Variants in BLVRA observed in about 807,000 individuals in gnomAD.
BLVRA encodes biliverdin reductase A.
Under a neutral mutation model 32.8 loss-of-function variants are expected in BLVRA, and 22 were observed. The ratio of observed to expected loss-of-function variants is 0.67; its 90% CI spans 0.48 to 0.96. The LOEUF (loss-of-function observed/expected upper bound fraction) is 0.96. BLVRA is among the 40% of genes least tolerant of loss of function. The pLI is 0.00. For missense variants in BLVRA, 323 were observed against 358.1 expected, an observed-to-expected ratio of 0.90 and a Z score of 0.79; for synonymous variants, 119 against 141.3, an observed-to-expected ratio of 0.84 and a Z score of 1.12.
chr7:43,787,469 G>A lies in BLVRA; in HGVS notation c.13-435G>A, dbSNP rs550800556. 4.6e-5 allele frequency among the ~76,000 whole-genome samples: 7 copies of A among 152,176 alleles called. No homozygotes were observed. The South Asian group carries it at 1.0e-3, about 22-fold the overall frequency. Reference sequence around the variant, plus strand: ...CCATTTGCCTCCTCTGCCAGCATCTGATGAAGAAGCTGTGCCCTCTGAATG... The same window carrying A: ...CCATTTGCCTCCTCTGCCAGCATCTAATGAAGAAGCTGTGCCCTCTGAATG... On this transcript the variant is annotated intron_variant, in intron 2 of 7. Coordinates refer to ENST00000265523, the MANE Select transcript of BLVRA (RefSeq NM_000712.4). This position sits in a 1 kb window ranked among gnomAD's most constrained non-coding sequence, Gnocchi z 4.5.
At chr7:43,790,101 C>T (rs2095783665) in intron 3 of BLVRA, among the ~76,000 whole-genome samples, 1 of 152,156 alleles carries the variant, frequency 6.6e-6, no homozygotes, top group Non-Finnish European at 1.5e-5. Flanking sequence ...TTTCTGCCTG[C>T]TGCAGCTCAG....
chr7:43,776,686 C>T (rs1307329175), intron 2 of BLVRA, among the ~76,000 whole-genome samples: 2 of 152,102 alleles, frequency 1.3e-5, no homozygotes, highest in African/African-American at 2.4e-5. Flanking sequence ...AGTTCAATTC[C>T]TGGGTATCCT....
intron 1 of BLVRA, among the ~76,000 whole-genome samples, chr7:43,770,641 C>T (rs920123872): frequency 6.6e-6 from 1 of 152,130 alleles, no homozygotes; most frequent in African/African-American, 2.4e-5. Flanking sequence ...TGTTTGCCCC[C>T]TCCTTCGTCT....
Position 43,787,973 on chromosome 7 carries a change from C to A in BLVRA, c.82C>A (p.Arg28=). Residue 28 remains arginine, a synonymous_variant, in exon 3 of 8, where the codon CGG becomes AGG. Transcript: ENST00000265523. The surrounding 1 kb of genome is among the most constrained non-coding windows in gnomAD (Gnocchi z 4.5). ...CGGCTCCGTGCGGATGAGGGACTTG[C>A]GGAATCCACACCCTTCCTCAGCGTT... ...RAGSVRMRDL[R]NPHPSSAFLN... 1.2e-6 allele frequency: 2 copies of A among 1,614,158 alleles called. No individual in the cohort carries two copies. Among genetic ancestry groups the A allele is most frequent in the Non-Finnish European group, 1.7e-6 (2 of 1,180,028 alleles).
intron 2 of BLVRA, among the ~76,000 whole-genome samples, chr7:43,775,837 A>G (rs1411765649): frequency 6.6e-6 from 1 of 152,204 alleles, no homozygotes; most frequent in African/African-American, 2.4e-5. Context: ...TGGTCTATTC[A>G]GAGATTCAAC....
At chr7:43,774,470 A>G (rs2095758330) in intron 2 of BLVRA, among the ~76,000 whole-genome samples, 1 of 152,114 alleles carries the variant, frequency 6.6e-6, no homozygotes, top group Admixed American at 6.6e-5. Context: ...ATTATTTCTG[A>G]GGGCTCTGTT....
At chr7:43,803,957 G>A (rs1162382703) in intron 7 of BLVRA, 110 bp downstream of exon 7, 2 of 1,292,838 alleles carry the variant, frequency 1.5e-6, no homozygotes, top group Non-Finnish European at 2.2e-6. Context: ...CCCAGCTCCA[G>A]AAGGGCTGTC....
intron 1 of BLVRA, among the ~76,000 whole-genome samples, chr7:43,760,450 C>T (rs1318230843): frequency 2.6e-5 from 4 of 152,128 alleles, no homozygotes; most frequent in Non-Finnish European, 4.4e-5. Flanking sequence ...GCAGGAGCTG[C>T]GCGCATTTTC....
rs1436837731 is a variant in BLVRA at position 43,793,257 on chromosome 7, ACT to A, written c.352+448_352+449del. ...TTTAGTATATGCTAGGAACTTGGAA[ACT>A]CTGCTAAGCACTTCATATGTTATTT... On this transcript the variant is annotated intron_variant, in intron 5 of 7. Transcript: ENST00000265523. Among the ~76,000 whole-genome samples the A allele has an allele frequency of 3.3e-5, 5 of 151,560 alleles. No homozygotes were observed. The East Asian group carries it at 9.7e-4, about 29-fold the overall frequency.
intron 2 of BLVRA, among the ~76,000 whole-genome samples, chr7:43,778,048 T>A (rs1198636249): frequency 1.3e-5 from 2 of 152,082 alleles, no homozygotes; most frequent in South Asian, 4.1e-4. Flanking sequence ...ATTCATCTAA[T>A]TTTTTTTCAA....
intron 2 of BLVRA, among the ~76,000 whole-genome samples, chr7:43,774,854 C>T (rs888151665): frequency 2.6e-5 from 4 of 152,186 alleles, no homozygotes; most frequent in East Asian, 1.9e-4. Flanking sequence ...AGGTCCTTCA[C>T]GTCCCTTGTA....
chr7:43,803,930 G>A (rs2095801512), intron 7 of BLVRA, 83 bp downstream of exon 7: 1 of 1,534,968 alleles, frequency 6.5e-7, no homozygotes, highest in Non-Finnish European at 8.9e-7. Context: ...GGAGCCCCGA[G>A]GGGCTAGACC....
intron 2 of BLVRA, among the ~76,000 whole-genome samples, chr7:43,782,142 A>G (rs2095770564): frequency 6.6e-6 from 1 of 152,228 alleles, no homozygotes; most frequent in South Asian, 2.1e-4. Flanking sequence ...TGCCTCATGC[A>G]TAGCTTATCT....
intron 3 of BLVRA, among the ~76,000 whole-genome samples, chr7:43,790,663 G>T (rs578111428): frequency 6.6e-6 from 1 of 152,170 alleles, no homozygotes; most frequent in South Asian, 2.1e-4. Flanking sequence ...AAAGTAGATT[G>T]TTCCTTTTAT....
chr7:43,806,749 GA>G (rs375737231), intron 7 of BLVRA, among the ~76,000 whole-genome samples: 2 of 147,834 alleles, frequency 1.4e-5, no homozygotes. Context: ...CTCCATCCCA[GA>G]AAAAAAAAAG....
chr7:43,780,009 G>A (rs2095766954), intron 2 of BLVRA, among the ~76,000 whole-genome samples: 2 of 151,998 alleles, frequency 1.3e-5, no homozygotes, highest in Non-Finnish European at 2.9e-5. Context: ...AAGTAGCTGG[G>A]ATTACAGGAG....
At chr7:43,790,871 C>A (rs1469279366) in intron 3 of BLVRA, among the ~76,000 whole-genome samples, 1 of 152,170 alleles carries the variant, frequency 6.6e-6, no homozygotes, top group Non-Finnish European at 1.5e-5. Flanking sequence ...CAGGTTTTCA[C>A]CATGTTGGCC....
rs781271727 is a variant in BLVRA at position 43,791,216 on chromosome 7, A to G, written c.135-33A>G. The G allele has an allele frequency of 1.9e-6, 3 of 1,613,662 alleles. No individual in the cohort carries two copies. In the South Asian group the frequency reaches 3.3e-5, roughly 18 times the overall value. On this transcript the variant is annotated intron_variant, in intron 3 of 7. Transcript: ENST00000265523. ...ATGGTGCTCCTTTCTTCTGTCTACC[A>G]TTGAGTTCCATTTCTCTGTTACTCT...
chr7:43,786,933 T>C (rs1171607582), intron 2 of BLVRA, among the ~76,000 whole-genome samples: 1 of 151,950 alleles, frequency 6.6e-6, no homozygotes, highest in African/African-American at 2.4e-5. Context: ...GATAATTTTT[T>C]TTTTTTTGAG....
Sources: allele counts gnomAD v4.1 joint callset (sites outside exome capture counted in the v4.1 genomes callset), GRCh38; gene constraint gnomAD v4.1.1; non-coding constraint Gnocchi (gnomAD v3.1); transcripts MANE v1.5; gene names NCBI Gene and HGNC (gene_info 2026-07-23, HGNC 2026-07-21).